The following SV2B variants were observed in gnomAD, a reference collection of about 807,000 sequenced individuals.
SV2B encodes the protein synaptic vesicle glycoprotein 2B.
Under a neutral mutation model 73.9 loss-of-function variants are expected in SV2B, and 41 were observed. That is an observed-to-expected ratio of 0.56 (90% CI 0.43 to 0.72). SV2B has a LOEUF of 0.72. Ranked by LOEUF, SV2B falls within the 30% of genes least tolerant of loss-of-function variation. SV2B has a pLI of 0.00. For missense variants in SV2B, 764 were observed against 857.8 expected (o/e 0.89, Z 1.37); for synonymous variants, 314 against 314.2 (o/e 1.00, Z 0.01).
At position 91,267,944 on chromosome 15, in the gene SV2B, A is replaced by C. The variant is rs894696120; in HGVS notation, c.1208+301A>C. On this transcript the variant is annotated intron_variant, in intron 8 of 12. Transcript: ENST00000394232. This position sits in a 1 kb window ranked among gnomAD's most constrained non-coding sequence, Gnocchi z 4.3. ...CAGCCTCCCCAGTTGCTGGGACTAC[A>C]GATGTGTGCCACCACACCTGGATAA... 2.0e-5 allele frequency among the ~76,000 whole-genome samples: 3 copies of C among 152,062 alleles called. No homozygotes were observed. The highest frequency in any genetic ancestry group is 4.4e-5 in the Non-Finnish European group (3 of 68,028).
chr15:91,272,830 T>TC (rs1385603026), intron 9 of SV2B, among the ~76,000 whole-genome samples: 2 of 43,948 alleles, frequency 4.6e-5, no homozygotes, highest in Non-Finnish European at 8.8e-5. Context: ...ATATTCGTCT[T>TC]TTTTTTTTTT....
intron 6 of SV2B, among the ~76,000 whole-genome samples, chr15:91,260,990 T>G (rs1387072083): frequency 6.6e-6 from 1 of 152,206 alleles, no homozygotes; most frequent in Admixed American, 6.5e-5. Flanking sequence ...AAGATGAGAT[T>G]TGTGTGGGAA....
At chr15:91,146,066 T>C (rs1240829327) in intron 1 of SV2B, among the ~76,000 whole-genome samples, 3 of 152,222 alleles carry the variant, frequency 2.0e-5, no homozygotes, top group Non-Finnish European at 4.4e-5. Context: ...CATTCCTTTG[T>C]CCAGACTGGT....
rs550961709 is a variant in SV2B, at chr15:91,206,980, T to G, written c.-391-18893T>G. On this transcript the variant is annotated intron_variant, in intron 1 of 12. Coordinates refer to ENST00000394232, the MANE Select transcript of SV2B (RefSeq NM_001323032.3). ...GCTTGAGAGAGTGAGAAGGGAGAGT[T>G]TTGGTTGAGACTGAGGGCAAGATGA... Among the ~76,000 whole-genome samples the G allele has an allele frequency of 1.6e-4, 25 of 152,092 alleles. 1 individual carries two copies. In the South Asian group the frequency reaches 5.2e-3, roughly 32 times the overall value.
intron 1 of SV2B, among the ~76,000 whole-genome samples, chr15:91,134,844 C>T (rs922395815): frequency 6.6e-6 from 1 of 152,148 alleles, no homozygotes; most frequent in African/African-American, 2.4e-5. Flanking sequence ...TCTAGGCTTC[C>T]AGCAGGTGGG....
At chr15:91,200,014 C>T (rs932679899) in intron 1 of SV2B, among the ~76,000 whole-genome samples, 2 of 152,318 alleles carry the variant, frequency 1.3e-5, no homozygotes, top group Middle Eastern at 3.4e-3. Flanking sequence ...TATCTGTTAC[C>T]ACTGCTTAAT....
chr15:91,179,843 T>C (rs1206680819), intron 1 of SV2B, among the ~76,000 whole-genome samples: 4 of 152,260 alleles, frequency 2.6e-5, no homozygotes, highest in East Asian at 1.9e-4. Context: ...TGACTCTTTA[T>C]CCAATTTGCC....
intron 1 of SV2B, among the ~76,000 whole-genome samples, chr15:91,144,150 C>T (rs1396152737): frequency 2.0e-5 from 3 of 152,148 alleles, no homozygotes; most frequent in Non-Finnish European, 2.9e-5. Context: ...TTTGAAGAAG[C>T]CAGATAATGT....
Position 91,265,708 on chromosome 15 carries a change from GCGGAAGAT to G in SV2B, c.1009-872_1009-865del, listed in dbSNP as rs1244603419. Among the ~76,000 whole-genome samples the G allele has an allele frequency of 1.3e-5, 2 of 152,200 alleles. No individual in the cohort carries two copies. Among genetic ancestry groups the G allele is most frequent in the African/African-American group, 4.8e-5 (2 of 41,444 alleles). ...CTGAAGCTTCTCTGTCTGACCTCAG[GCGGAAGAT>G]CATTTGCAAAGGCTGCATAGCTGGG... On this transcript the variant is annotated intron_variant, in intron 6 of 12. Transcript: ENST00000394232. This position sits in a 1 kb window ranked among gnomAD's most constrained non-coding sequence, Gnocchi z 4.2.
Position 91,283,918 on chromosome 15 carries a change from CACAGCCTGCCT to C in SV2B, c.1508-98_1508-88del. On this transcript the variant is annotated intron_variant, in intron 10 of 12. Transcript: ENST00000394232. This position sits in a 1 kb window ranked among gnomAD's most constrained non-coding sequence, Gnocchi z 4.3. ...AGGCTGTCTGACTGGCAAAGGCTGG[CACAGCCTGCCT>C]ACAGGAGGGGGCAGACTTCATCCCT... 1 of 1,185,146 alleles carries C rather than the reference CACAGCCTGCCT, an allele frequency of 8.4e-7. No homozygotes were observed. Among genetic ancestry groups the C allele is most frequent in the Non-Finnish European group, 1.2e-6 (1 of 829,124 alleles). 73.4% of individuals were successfully genotyped at this position (1,185,146 alleles called of 1,614,324 possible). A position where few individuals can be genotyped will look rare whatever the true frequency, so the allele number is the denominator to read the frequency against.
At chr15:91,175,248 A>G (rs373866713) in intron 1 of SV2B, among the ~76,000 whole-genome samples, 3 of 150,442 alleles carry the variant, frequency 2.0e-5, no homozygotes, top group Admixed American at 6.6e-5. Context: ...TAAAGAGAAG[A>G]CTTTCTTTTT....
chr15:91,178,382 C>T (rs8023278), intron 1 of SV2B, among the ~76,000 whole-genome samples: 3 of 149,084 alleles, frequency 2.0e-5, no homozygotes, highest in South Asian at 2.1e-4. Flanking sequence ...GCCAGCCTTT[C>T]GTATCAGGAG....
chr15:91,225,752 A>T (rs367639259), intron 1 of SV2B, 121 bp from the exon 2 acceptor site: 2 of 156,128 alleles, frequency 1.3e-5, no homozygotes, highest in East Asian at 3.8e-4. Context: ...GTCTGATAAG[A>T]TTTCTCCCAC....
At chr15:91,108,877 T>C (rs1019353235) in intron 1 of SV2B, among the ~76,000 whole-genome samples, 1 of 152,202 alleles carries the variant, frequency 6.6e-6, no homozygotes, top group Admixed American at 6.5e-5. Flanking sequence ...CTGCTTCAGC[T>C]CCCACACAGA....
At chr15:91,230,244 TAAAA>T (rs199512896) in intron 2 of SV2B, among the ~76,000 whole-genome samples, 1 of 129,814 alleles carries the variant, frequency 7.7e-6, no homozygotes. Flanking sequence ...TTGTCTCATT[TAAAA>T]AAAAAAAAAA....
chr15:91,282,437 C>G (rs2141763224), intron 10 of SV2B, among the ~76,000 whole-genome samples: 1 of 152,276 alleles, frequency 6.6e-6, no homozygotes, highest in East Asian at 1.9e-4. Context: ...TTTTACTACC[C>G]TCATCATAAA....
chr15:91,131,602 T>C (rs2042650896), intron 1 of SV2B, among the ~76,000 whole-genome samples: 1 of 151,082 alleles, frequency 6.6e-6, no homozygotes, highest in Non-Finnish European at 1.5e-5. Context: ...GCCAGGAATT[T>C]GGCGTCAGCC....
chr15:91,246,065 CAAA>C lies in SV2B; in HGVS notation c.452-5738_452-5736del, dbSNP rs5814471. 1.7e-3 allele frequency among the ~76,000 whole-genome samples: 212 copies of C among 127,680 alleles called. 1 individual carries two copies. Among genetic ancestry groups the C allele is most frequent in the South Asian group, 7.8e-3 (30 of 3,830 alleles). The allele number at this position is 127,680 out of a possible 152,430, so 83.8% of individuals were successfully genotyped here. A position where few individuals can be genotyped will look rare whatever the true frequency, so the allele number is the denominator to read the frequency against. On this transcript the variant is annotated intron_variant, in intron 2 of 12. Coordinates refer to ENST00000394232, the MANE Select transcript of SV2B (RefSeq NM_001323032.3). Reference sequence around the variant, plus strand: ...TGGGAACTGAAGAAATATGAGTTAGCAAAAAAAAAAAAAAAAAATCCCCCCTTC... The same window carrying C: ...TGGGAACTGAAGAAATATGAGTTAGCAAAAAAAAAAAAAAATCCCCCCTTC...
chr15:91,276,295 C>G (rs1035409247), intron 9 of SV2B, among the ~76,000 whole-genome samples: 1 of 151,776 alleles, frequency 6.6e-6, no homozygotes, highest in Non-Finnish European at 1.5e-5. Flanking sequence ...CTTCCTTCTC[C>G]TCCTTCTTCT....
Sources: allele counts gnomAD v4.1 joint callset (sites outside exome capture counted in the v4.1 genomes callset), GRCh38; gene constraint gnomAD v4.1.1; non-coding constraint Gnocchi (gnomAD v3.1); transcripts MANE v1.5; gene names NCBI Gene and HGNC (gene_info 2026-07-23, HGNC 2026-07-21).